DEPDC1B: variants seen among roughly 807,000 people sequenced by gnomAD.
DEPDC1B encodes the protein DEP domain-containing protein 1B.
DEPDC1B carries 51 observed loss-of-function variants against 66.5 expected under a neutral mutation model. The observed-to-expected ratio is 0.77, with a 90% CI of 0.61 to 0.97. The LOEUF (loss-of-function observed/expected upper bound fraction) is 0.97. Ranked by LOEUF, DEPDC1B falls within the 50% of genes least tolerant of loss-of-function variation. The pLI, the probability that DEPDC1B is intolerant of heterozygous loss-of-function variation, is 0.00. For synonymous variants in DEPDC1B, 226 were observed against 223.6 expected (o/e 1.01, Z -0.10); for missense variants, 552 against 637.1 (o/e 0.87, Z 1.44).
intron 7 of DEPDC1B, among the ~76,000 whole-genome samples, chr5:60,636,377 C>T (rs925040652): frequency 6.6e-6 from 1 of 152,130 alleles, no homozygotes; most frequent in Admixed American, 6.5e-5. Context: ...CAAGCCCAAC[C>T]GTGCCACAAG....
chr5:60,663,998 T>C (rs1356278750), intron 2 of DEPDC1B, among the ~76,000 whole-genome samples: 7 of 152,226 alleles, frequency 4.6e-5, no homozygotes, highest in African/African-American at 1.7e-4. Context: ...CGAATATGGA[T>C]TCCCAGGTAC....
intron 1 of DEPDC1B, among the ~76,000 whole-genome samples, chr5:60,694,834 T>C (rs761793524): frequency 3.9e-5 from 6 of 152,250 alleles, no homozygotes; most frequent in Non-Finnish European, 8.8e-5. Context: ...CCATTTAATA[T>C]GTACTGATGA....
chr5:60,661,777 A>G (rs773053806), intron 2 of DEPDC1B, among the ~76,000 whole-genome samples: 5 of 152,190 alleles, frequency 3.3e-5, no homozygotes, highest in Non-Finnish European at 7.4e-5. Flanking sequence ...GACAACAGAG[A>G]AAAAAGAACA....
chr5:60,666,256 G>A (rs978835657), intron 2 of DEPDC1B, among the ~76,000 whole-genome samples: 4 of 152,172 alleles, frequency 2.6e-5, no homozygotes, highest in Non-Finnish European at 5.9e-5. Flanking sequence ...TAATCGAGCT[G>A]AACACTAGTT....
intron 2 of DEPDC1B, among the ~76,000 whole-genome samples, chr5:60,680,365 A>T (rs892615782): frequency 2.0e-5 from 3 of 152,264 alleles, no homozygotes; most frequent in African/African-American, 7.2e-5. Context: ...TTTCTTATAC[A>T]CTAAAATTCA....
chr5:60,601,890 C>T (rs1408396393), intron 9 of DEPDC1B, among the ~76,000 whole-genome samples: 1 of 152,076 alleles, frequency 6.6e-6, no homozygotes, highest in East Asian at 1.9e-4. Flanking sequence ...ATATTAACTA[C>T]TATTATTCCC....
chr5:60,613,944 G>A (rs1368460007), intron 7 of DEPDC1B, among the ~76,000 whole-genome samples: 2 of 152,050 alleles, frequency 1.3e-5, no homozygotes. Flanking sequence ...AATCAGTTAA[G>A]TTCTTTGTAC....
At chr5:60,609,825 A>G (rs536929406) in intron 7 of DEPDC1B, among the ~76,000 whole-genome samples, 1 of 152,298 alleles carries the variant, frequency 6.6e-6, no homozygotes, top group South Asian at 2.1e-4. Flanking sequence ...GACAAAACCT[A>G]TTATTTTGAC....
At chr5:60,620,853 A>C (rs1029703483) in intron 7 of DEPDC1B, among the ~76,000 whole-genome samples, 32 of 152,228 alleles carry the variant, frequency 2.1e-4, no homozygotes, top group Middle Eastern at 3.4e-3. Flanking sequence ...ATGTTTATTG[A>C]GGCACTATTC....
chr5:60,619,174 C>T (rs1402948149), intron 7 of DEPDC1B, among the ~76,000 whole-genome samples: 2 of 152,154 alleles, frequency 1.3e-5, no homozygotes, highest in South Asian at 2.1e-4. Context: ...AAACCCACAG[C>T]CAATATCATA....
At chr5:60,689,868 C>T (rs963675668) in intron 1 of DEPDC1B, among the ~76,000 whole-genome samples, 2 of 152,020 alleles carry the variant, frequency 1.3e-5, no homozygotes, top group Non-Finnish European at 2.9e-5. Context: ...ATGGGGAAAC[C>T]CCATTTCTAC....
At chr5:60,648,309 C>T (rs1753368034) in intron 2 of DEPDC1B, among the ~76,000 whole-genome samples, 1 of 152,122 alleles carries the variant, frequency 6.6e-6, no homozygotes, top group South Asian at 2.1e-4. Flanking sequence ...TCATTAGTTT[C>T]CCCATAAATT....
chr5:60,601,535 G>A (rs1752199217), intron 9 of DEPDC1B, among the ~76,000 whole-genome samples: 2 of 152,082 alleles, frequency 1.3e-5, no homozygotes, highest in African/African-American at 4.8e-5. Context: ...CTGCCCCTAG[G>A]AGTTTATTCT....
chr5:60,635,253 C>A (rs1442758196), intron 7 of DEPDC1B, among the ~76,000 whole-genome samples: 1 of 151,994 alleles, frequency 6.6e-6, no homozygotes, highest in Non-Finnish European at 1.5e-5. Flanking sequence ...GGATAGGGAC[C>A]CTGACATAAC....
intron 2 of DEPDC1B, among the ~76,000 whole-genome samples, chr5:60,649,162 A>G (rs1261255470): frequency 6.6e-6 from 1 of 152,132 alleles, no homozygotes; most frequent in Admixed American, 6.5e-5. Flanking sequence ...CAAACTCTCT[A>G]TGTGTCTTTT....
In DEPDC1B at chr5:60,603,585, T is replaced by TG. The variant is rs746705901; in HGVS notation, c.1066-19dup. ...TGAACCATCTAAAAAAAGAGCGGGG[T>TG]GGGGGGTAAACGCAGATGAGTATTT... On this transcript the variant is annotated intron_variant, in intron 8 of 10. Coordinates refer to ENST00000265036, the MANE Select transcript of DEPDC1B (RefSeq NM_018369.3). 9 of 1,569,768 alleles carry TG rather than the reference T, an allele frequency of 5.7e-6. No individual in the cohort carries two copies. In the African/African-American group the frequency reaches 1.1e-4, roughly 19 times the overall value.
At chr5:60,615,212 A>G (rs558606576) in intron 7 of DEPDC1B, among the ~76,000 whole-genome samples, 4 of 152,320 alleles carry the variant, frequency 2.6e-5, no homozygotes, top group African/African-American at 9.6e-5. Flanking sequence ...TACAGTGCCC[A>G]GCGTGAGCAA....
In DEPDC1B at chr5:60,692,034, C is replaced by T. The variant is rs544227201; in HGVS notation, c.49-4807G>A. Among the ~76,000 whole-genome samples, 465 of 152,148 alleles carry T rather than the reference C, an allele frequency of 3.1e-3. 2 individuals carry two copies. The highest frequency in any genetic ancestry group is 0.011 in the African/African-American group (446 of 41,490). On this transcript the variant is annotated intron_variant, in intron 1 of 10. Coordinates refer to ENST00000265036, the MANE Select transcript of DEPDC1B (RefSeq NM_018369.3). ...AAGAAAGAAATGTTGTCATTTGCAACGACATGGATGGAAGTGGAGAACATT... is the reference window on the plus strand; with the variant it reads ...AAGAAAGAAATGTTGTCATTTGCAATGACATGGATGGAAGTGGAGAACATT...
chr5:60,621,997 G>T (rs1752714349), intron 7 of DEPDC1B, among the ~76,000 whole-genome samples: 1 of 150,884 alleles, frequency 6.6e-6, no homozygotes, highest in Admixed American at 6.6e-5. Context: ...TAAAACCCTT[G>T]TCTGCAAAAA....
Sources: gnomAD v4.1 joint callset for allele counts (sites outside exome capture counted in the v4.1 genomes callset) on GRCh38, gnomAD v4.1.1 for gene constraint, MANE v1.5 for transcripts, NCBI Gene and HGNC (gene_info 2026-07-23, HGNC 2026-07-21) for gene names.